PDE6B: variants seen among roughly 807,000 people sequenced by gnomAD.
The protein encoded by PDE6B is phosphodiesterase 6B.
A neutral mutation model predicts 109.0 loss-of-function variants in PDE6B; 106 were observed. The ratio of observed to expected loss-of-function variants is 0.97; its 90% confidence interval spans 0.83 to 1.14. The LOEUF (loss-of-function observed/expected upper bound fraction) is 1.14. PDE6B is among the 50% of genes most tolerant of loss of function. The pLI, the probability that PDE6B is intolerant of heterozygous loss-of-function variation, is 0.00. For synonymous variants in PDE6B, 490 were observed against 471.3 expected (o/e 1.04, Z -0.51); for missense variants, 1,193 against 1,155.6 (o/e 1.03, Z -0.47).
chr4:625,713 T>A lies in PDE6B; in HGVS notation c.87T>A (p.Pro29=). Residue 29 remains proline, a synonymous_variant, in exon 1 of 22, where the codon CCT becomes CCA. Coordinates refer to ENST00000496514, the MANE Select transcript of PDE6B (RefSeq NM_000283.4). This position sits in a 1 kb window ranked among gnomAD's most constrained non-coding sequence, Gnocchi z 5.0. ...AGTACTTTGGGAAGAAACTGAGCCC[T>A]GAGAATGTGGCCGCGGCCTGCGAGG... The part of the protein sequence containing the change: ...ARQYFGKKLS[P]ENVAAACEDG... 6.2e-7 allele frequency: 1 copy of A among 1,613,774 alleles called. No homozygotes were observed. Among genetic ancestry groups the A allele is most frequent in the Non-Finnish European group, 8.5e-7 (1 of 1,179,940 alleles).
chr4:627,585 C>G (rs947416221), intron 1 of PDE6B, among the ~76,000 whole-genome samples: 1 of 152,156 alleles, frequency 6.6e-6, no homozygotes, highest in Admixed American at 6.5e-5. Flanking sequence ...GCATCAGGAG[C>G]ATGAGTTACC....
chr4:656,049 C>T, intron 7 of PDE6B, 43 bp downstream of exon 7: 2 of 1,272,876 alleles, frequency 1.6e-6, no homozygotes, highest in Non-Finnish European at 2.3e-6. Context: ...CTTGCCCTCA[C>T]TGGGTGCGGC....
At chr4:629,727 TAGAG>T (rs1056696753) in intron 1 of PDE6B, among the ~76,000 whole-genome samples, 1 of 151,592 alleles carries the variant, frequency 6.6e-6, no homozygotes, top group Non-Finnish European at 1.5e-5. Flanking sequence ...AATCCGGAGA[TAGAG>T]GGAGGAGGGT....
rs527236088 is a variant in PDE6B, at chr4:660,603, T to A, written c.1604T>A (p.Ile535Asn). ...CTGGGCGTGGTCCGAAAGTTCCAGA[T>A]CCCCCAGGAGGTGGGAGACACCGCA... ...YELGVVRKFQ[I>N]PQEVLVRFLF... is the part of the protein sequence containing the mutation. The change falls in exon 12 of 22, where the codon ATC (isoleucine) becomes AAC (asparagine). Residue 535 changes from isoleucine to asparagine, a missense_variant. Ile to Asn is a moderately radical substitution (Grantham distance 149). Coordinates refer to ENST00000496514, the MANE Select transcript of PDE6B (RefSeq NM_000283.4). The A allele has an allele frequency of 6.2e-6, 10 of 1,613,276 alleles. No homozygotes were observed. The East Asian group carries it at 2.2e-4, about 36-fold the overall frequency.
Position 648,716 on chromosome 4 carries a change from C to T in PDE6B, c.712-5136C>T, listed in dbSNP as rs148726839. Among the ~76,000 whole-genome samples, 70 of 152,388 alleles carry T rather than the reference C, an allele frequency of 4.6e-4. No individual in the cohort carries two copies. In the East Asian group the frequency reaches 9.4e-3, roughly 21 times the overall value. On this transcript the variant is annotated intron_variant, in intron 3 of 21. Coordinates refer to ENST00000496514, the MANE Select transcript of PDE6B (RefSeq NM_000283.4). The surrounding 1 kb of genome is among the most constrained non-coding windows in gnomAD (Gnocchi z 4.5). ...CAGGTTTCTCTCTGACCTGTCACGGCAGCTGCCTGTTCGGCTTAGTGGAGC... is the reference window on the plus strand; with the variant it reads ...CAGGTTTCTCTCTGACCTGTCACGGTAGCTGCCTGTTCGGCTTAGTGGAGC...
intron 11 of PDE6B, 119 bp from the exon 12 acceptor site, chr4:660,348 C>G: frequency 9.8e-7 from 1 of 1,017,958 alleles, no homozygotes; most frequent in Non-Finnish European, 1.5e-6. Context: ...AATGACACAT[C>G]TCCTCAGAGA....
At position 667,900 on chromosome 4, in the gene PDE6B, A is replaced by G. The variant is rs1298044254; in HGVS notation, c.2397A>G (p.Arg799=). Residue 799 remains arginine (R), a synonymous_variant, in exon 21 of 22, where the codon CGA becomes CGG. Transcript: ENST00000496514. ...FHEEILPMFD[R]LQNNRKEWKA... ...AAGAGATCCTGCCCATGTTCGACCGACTGCAGAACAATAGGAAAGAGTGGA... is the reference window on the plus strand; with the variant it reads ...AAGAGATCCTGCCCATGTTCGACCGGCTGCAGAACAATAGGAAAGAGTGGA... 1.2e-6 allele frequency: 2 copies of G among 1,613,112 alleles called. No homozygotes were observed. The highest frequency in any genetic ancestry group is 1.3e-5 in the African/African-American group (1 of 74,908).
intron 6 of PDE6B, 158 bp from the exon 7 acceptor site, chr4:655,782 C>T (rs1736151207): frequency 1.4e-6 from 1 of 692,480 alleles, no homozygotes; most frequent in African/African-American, 1.8e-5. Flanking sequence ...CCTGCACACA[C>T]ACGTGCAGCC....
rs373925141 is a variant in PDE6B at position 663,132 on chromosome 4, C to G, written c.1865C>G (p.Ser622Cys). The G allele has an allele frequency of 6.2e-6, 10 of 1,612,484 alleles. No homozygotes were observed. Among genetic ancestry groups the G allele is most frequent in the Non-Finnish European group, 7.6e-6 (9 of 1,178,734 alleles). ...AACCCCTTGGCTAAGCTCCACGGCT[C>G]CTCGATTTTGGAGCGGCACCACCTG... ...SQNPLAKLHG[S>C]SILERHHLEF... Residue 622 changes from serine (S) to cysteine (C), a missense_variant, in exon 15 of 22, where the codon TCC (serine) becomes TGC (cysteine). Coordinates refer to ENST00000496514, the MANE Select transcript of PDE6B (RefSeq NM_000283.4). The surrounding 1 kb of genome is among the most constrained non-coding windows in gnomAD (Gnocchi z 4.0).
At chr4:628,533 C>T (rs1161414484) in intron 1 of PDE6B, among the ~76,000 whole-genome samples, 2 of 152,264 alleles carry the variant, frequency 1.3e-5, no homozygotes, top group East Asian at 3.8e-4. Context: ...GCTGCAGCGG[C>T]TAAACCAGCC....
Position 626,185 on chromosome 4 carries a change from C to G in PDE6B, c.468+91C>G, listed in dbSNP as rs1376549639. The stretch of plus-strand genomic sequence containing the variant: ...AGGGTCAGCTCGGATCCTCAGGCCT[C>G]CAGGGAGGCCTCTTGTCAGGGCACA... On this transcript the variant is annotated intron_variant, in intron 1 of 21. Coordinates refer to ENST00000496514, the MANE Select transcript of PDE6B (RefSeq NM_000283.4). This position sits in a 1 kb window ranked among gnomAD's most constrained non-coding sequence, Gnocchi z 4.6. 4.8e-5 allele frequency: 38 copies of G among 787,310 alleles called. No homozygotes were observed. The highest frequency in any genetic ancestry group is 7.9e-5 in the Non-Finnish European group (37 of 466,224). 48.8% of individuals were successfully genotyped at this position (787,310 alleles called of 1,614,324 possible).
chr4:660,565 G>A lies in PDE6B; in HGVS notation c.1566G>A (p.Gln522=). The A allele has an allele frequency of 6.2e-7, 1 of 1,613,892 alleles. No homozygotes were observed. Among genetic ancestry groups the A allele is most frequent in the South Asian group, 1.1e-5 (1 of 91,084 alleles). Residue 522 remains glutamine, a synonymous_variant, in exon 12 of 22, where the codon CAG becomes CAA. Coordinates refer to ENST00000496514, the MANE Select transcript of PDE6B (RefSeq NM_000283.4). ...TELDLVKCGI[Q]MYYELGVVRK... ...TGGACCTGGTCAAATGTGGCATCCA[G>A]ATGTACTACGAGCTGGGCGTGGTCC... is the stretch of plus-strand genomic sequence containing the variant.
intron 1 of PDE6B, 28 bp from the exon 2 acceptor site, chr4:634,649 C>T (rs750013964): frequency 6.2e-7 from 1 of 1,603,244 alleles, no homozygotes; most frequent in Non-Finnish European, 8.5e-7. Context: ...GCGACAGCCT[C>T]TTTAGCCTCT....
At chr4:669,567 A>C (rs5021190) in intron 21 of PDE6B, among the ~76,000 whole-genome samples, 4 of 21,134 alleles carry the variant, frequency 1.9e-4, no homozygotes, top group African/African-American at 2.8e-4. Context: ...TGCTATTCCC[A>C]CTACCCCATG....
At chr4:635,094 T>C (rs1425408259) in intron 2 of PDE6B, among the ~76,000 whole-genome samples, 4 of 123,952 alleles carry the variant, frequency 3.2e-5, no homozygotes, top group South Asian at 3.0e-4. Flanking sequence ...GCTGCGTGTC[T>C]GCCTCCTTAC....
At position 658,968 on chromosome 4, in the gene PDE6B, T is replaced by A; in HGVS notation, c.1418T>A (p.Leu473Gln). ...TCTGTGTAGCCAACCAGAGCGCGCC[T>A]GGGGAAGGAGCCTGCTGACTGCGAT... ...IQLILPTRAR[L>Q]GKEPADCDED... The change falls in exon 11 of 22, where the codon CTG (leucine) becomes CAG (glutamine). Residue 473 changes from leucine (L) to glutamine (Q), a missense_variant. Physicochemically the swap from Leu to Gln is moderately radical, Grantham distance 113. Transcript: ENST00000496514. 6.2e-7 allele frequency: 1 copy of A among 1,613,310 alleles called. No individual in the cohort carries two copies. Among genetic ancestry groups the A allele is most frequent in the South Asian group, 1.1e-5 (1 of 91,062 alleles).
chr4:641,431 A>G (rs1350399286), intron 3 of PDE6B, among the ~76,000 whole-genome samples: 7 of 152,256 alleles, frequency 4.6e-5, no homozygotes, highest in African/African-American at 1.4e-4. Flanking sequence ...GAGCCAGGTC[A>G]GGCTGGGCAG....
intron 1 of PDE6B, among the ~76,000 whole-genome samples, chr4:628,310 A>G (rs1192450206): frequency 3.9e-5 from 6 of 152,062 alleles, no homozygotes; most frequent in Admixed American, 3.9e-4. Context: ...GGCCCACTGC[A>G]CCCTCTTTGG....
At chr4:643,756 G>A (rs1414015882) in intron 3 of PDE6B, among the ~76,000 whole-genome samples, 2 of 149,832 alleles carry the variant, frequency 1.3e-5, no homozygotes, top group Non-Finnish European at 2.9e-5. Context: ...GGCTTAATTT[G>A]AAGTTCTTTT....
Sources: allele counts gnomAD v4.1 joint callset (sites outside exome capture counted in the v4.1 genomes callset), GRCh38; gene constraint gnomAD v4.1.1; non-coding constraint Gnocchi (gnomAD v3.1); transcripts MANE v1.5; gene names NCBI Gene and HGNC (gene_info 2026-07-23, HGNC 2026-07-21).